Variants in SPATA7 observed in about 807,000 individuals in gnomAD.
SPATA7 encodes spermatogenesis associated 7, also known as spermatogenesis-associated protein 7.
A neutral mutation model predicts 51.8 loss-of-function variants in SPATA7; 43 were observed. The observed-to-expected ratio is 0.83, with a 90% confidence interval of 0.65 to 1.07. The LOEUF (loss-of-function observed/expected upper bound fraction) is 1.07. Ranked by LOEUF, SPATA7 falls within the 50% of genes least tolerant of loss-of-function variation. The probability of loss-of-function intolerance (pLI) is 0.00; values close to 1 mark genes in which losing one functional copy is unlikely to be tolerated. For missense variants in SPATA7, 683 were observed against 701.3 expected, an observed-to-expected ratio of 0.97 and a Z score of 0.30; for synonymous variants, 230 against 252.8, an observed-to-expected ratio of 0.91 and a Z score of 0.86.
At chr14:88,444,168 T>C (rs1055437996) in intron 3 of SPATA7, among the ~76,000 whole-genome samples, 28 of 151,974 alleles carry the variant, frequency 1.8e-4, no homozygotes, top group Non-Finnish European at 2.8e-4. Flanking sequence ...TTTTTAATGA[T>C]CGCCATTCTA....
intron 4 of SPATA7, chr14:88,466,088 A>T (rs1163218337): frequency 6.6e-6 from 1 of 152,096 alleles, no homozygotes; most frequent in Non-Finnish European, 1.5e-5. Context: ...GGGGGAGGGG[A>T]AGAAGCACTT....
At chr14:88,447,695 C>G (rs1053678765) in intron 3 of SPATA7, among the ~76,000 whole-genome samples, 11 of 151,880 alleles carry the variant, frequency 7.2e-5, no homozygotes, top group Non-Finnish European at 1.5e-4. Flanking sequence ...GACAAAATCT[C>G]TCAGCATTTG....
intron 4 of SPATA7, among the ~76,000 whole-genome samples, chr14:88,463,076 G>A (rs1417459774): frequency 1.3e-5 from 2 of 152,106 alleles, no homozygotes; most frequent in Non-Finnish European, 2.9e-5. Flanking sequence ...AATTTTACTT[G>A]TATGTGACCT....
At chr14:88,450,362 GT>G (rs796327786) in intron 3 of SPATA7, among the ~76,000 whole-genome samples, 1 of 150,376 alleles carries the variant, frequency 6.6e-6, no homozygotes, top group Admixed American at 6.6e-5. Flanking sequence ...AATACCTTAG[GT>G]TTTTTTTTCA....
At chr14:88,440,934 AGT>A (rs1252110388), downstream of SPATA7, among the ~76,000 whole-genome samples, 1 of 152,122 alleles carries the variant, frequency 6.6e-6, no homozygotes, top group Non-Finnish European at 1.5e-5. Context: ...GCACCTAAGC[AGT>A]GTACATTGTA....
At chr14:88,424,036 C>T (rs1239813163) in intron 5 of SPATA7, among the ~76,000 whole-genome samples, 1 of 152,152 alleles carries the variant, frequency 6.6e-6, no homozygotes, top group Non-Finnish European at 1.5e-5. Context: ...CTTGAAATCA[C>T]AGAAACAGTG....
At chr14:88,467,549 A>G (rs757051084) in intron 4 of SPATA7, 2 of 152,270 alleles carry the variant, frequency 1.3e-5, no homozygotes, top group Non-Finnish European at 2.9e-5. Flanking sequence ...TGATGTTTCA[A>G]AATAACACAG....
At chr14:88,466,905 G>A (rs535956598) in intron 4 of SPATA7, 31 of 152,206 alleles carry the variant, frequency 2.0e-4, no homozygotes, top group African/African-American at 6.5e-4. Context: ...GGAAAAATAC[G>A]CCTCTTTAAG....
At chr14:88,424,673 C>G (rs2076739868) in intron 5 of SPATA7, among the ~76,000 whole-genome samples, 1 of 152,108 alleles carries the variant, frequency 6.6e-6, no homozygotes, top group South Asian at 2.1e-4. Context: ...CTAAACTCTT[C>G]TGGTACATAA....
At chr14:88,403,576 T>TG (rs1210981507) in intron 4 of SPATA7, among the ~76,000 whole-genome samples, 1 of 152,228 alleles carries the variant, frequency 6.6e-6, no homozygotes, top group Non-Finnish European at 1.5e-5. Context: ...CTGTCATTTC[T>TG]GTCATTTGTG....
Position 88,426,615 on chromosome 14 carries a change from C to A in SPATA7, c.756C>A (p.Phe252Leu). 1.9e-6 allele frequency: 3 copies of A among 1,614,086 alleles called. No individual in the cohort carries two copies. The highest frequency in any genetic ancestry group is 1.1e-5 in the South Asian group (1 of 91,080). The change falls in exon 6 of 12, where the codon TTC (phenylalanine) becomes TTA (leucine). Residue 252 changes from phenylalanine to leucine, a missense_variant. Coordinates refer to ENST00000393545, the MANE Select transcript of SPATA7 (RefSeq NM_018418.5). ...PRTLKTEAKS[F>L]LSQYRYYTPA... is the part of the protein sequence containing the mutation. Reference sequence around the variant, plus strand: ...CTTTAAAAACAGAAGCAAAATCTTTCCTGTCACAGTATCGCTATTATACAC... The same window carrying A: ...CTTTAAAAACAGAAGCAAAATCTTTACTGTCACAGTATCGCTATTATACAC...
intron 9 of SPATA7, chr14:88,432,895 G>A: frequency 4.6e-6 from 2 of 439,090 alleles, no homozygotes; most frequent in Non-Finnish European, 8.1e-6. Flanking sequence ...TACTGCTATG[G>A]ATGTTGCAGA....
At chr14:88,452,445 G>C (rs936235320) in intron 3 of SPATA7, among the ~76,000 whole-genome samples, 2 of 152,182 alleles carry the variant, frequency 1.3e-5, no homozygotes, top group Admixed American at 6.5e-5. Context: ...ATCAGCTGTG[G>C]TATTATAGGG....
downstream of SPATA7, among the ~76,000 whole-genome samples, chr14:88,458,644 C>CTA (rs2077299709): frequency 6.6e-6 from 1 of 152,084 alleles, no homozygotes; most frequent in African/African-American, 2.4e-5. Context: ...TGCTAGCAGT[C>CTA]TATCAATTTT....
intron 1 of SPATA7, among the ~76,000 whole-genome samples, chr14:88,390,812 C>T (rs961983102): frequency 1.8e-4 from 28 of 152,294 alleles, no homozygotes; most frequent in African/African-American, 6.7e-4. Flanking sequence ...GTCTTACCCT[C>T]CTTCTTTCTT....
At chr14:88,413,454 C>T (rs2076394921) in intron 4 of SPATA7, among the ~76,000 whole-genome samples, 1 of 152,154 alleles carries the variant, frequency 6.6e-6, no homozygotes, top group African/African-American at 2.4e-5. Flanking sequence ...TTGGCAGCAT[C>T]TTTAGGGTTT....
At chr14:88,415,747 T>A (rs1248285095) in intron 4 of SPATA7, among the ~76,000 whole-genome samples, 1 of 152,152 alleles carries the variant, frequency 6.6e-6, no homozygotes, top group Non-Finnish European at 1.5e-5. Context: ...TTCTTATGTA[T>A]GCATGTTTAG....
intron 4 of SPATA7, chr14:88,467,839 A>G (rs2077388549): frequency 6.4e-6 from 2 of 311,254 alleles, no homozygotes; most frequent in Non-Finnish European, 1.2e-5. Flanking sequence ...AAAATAGAGA[A>G]TTGTCTAGAA....
intron 3 of SPATA7, among the ~76,000 whole-genome samples, chr14:88,450,340 A>C (rs1566795314): frequency 6.6e-6 from 1 of 152,040 alleles, no homozygotes; most frequent in Non-Finnish European, 1.5e-5. Flanking sequence ...TCATCGTACT[A>C]TTTGTTGCCT....
Sources: gnomAD v4.1 joint callset for allele counts (sites outside exome capture counted in the v4.1 genomes callset) on GRCh38, gnomAD v4.1.1 for gene constraint, MANE v1.5 for transcripts, NCBI Gene and HGNC (gene_info 2026-07-23, HGNC 2026-07-21) for gene names.